Variants in LPIN1 observed in about 807,000 individuals in gnomAD.
The protein encoded by LPIN1 is lipin 1.
Under a neutral mutation model 107.5 loss-of-function variants are expected in LPIN1, and 71 were observed. The ratio of observed to expected loss-of-function variants is 0.66; its 90% CI spans 0.55 to 0.80. The LOEUF is 0.80. LPIN1 is among the 30% of genes least tolerant of loss of function. The pLI, the probability that LPIN1 is intolerant of heterozygous loss-of-function variation, is 0.00. For missense variants in LPIN1, 1,043 were observed against 1,160.6 expected, an observed-to-expected ratio of 0.90 and a Z score of 1.47; for synonymous variants, 445 against 452.6, an observed-to-expected ratio of 0.98 and a Z score of 0.21.
chr2:11,797,340 A>G (rs1478776622), intron 14 of LPIN1, among the ~76,000 whole-genome samples: 8 of 152,220 alleles, frequency 5.3e-5, no homozygotes, highest in African/African-American at 1.7e-4. Flanking sequence ...CTTCGAGGCA[A>G]CTTCATGAGA....
At position 11,765,266 on chromosome 2, in the gene LPIN1, T is replaced by C. The variant is rs533271287; in HGVS notation, c.-9-267T>C. ...CCTGATGGACCCTGATGGACCCTGA[T>C]GGGCCGTGATGGACCCTGATGGGCT... On this transcript the variant is annotated intron_variant, in intron 1 of 20. Transcript: ENST00000674199. This position sits in a 1 kb window ranked among gnomAD's most constrained non-coding sequence, Gnocchi z 4.4. 1.1e-4 allele frequency among the ~76,000 whole-genome samples: 17 copies of C among 151,324 alleles called. No individual in the cohort carries two copies. The highest frequency in any genetic ancestry group is 3.9e-4 in the African/African-American group (16 of 41,082).
intron 1 of LPIN1, among the ~76,000 whole-genome samples, chr2:11,695,075 ATATT>A (rs1247386372): frequency 2.0e-5 from 3 of 152,214 alleles, no homozygotes; most frequent in Non-Finnish European, 1.5e-5. Context: ...TCGCTGCAGA[ATATT>A]TATTGAGAGC....
At chr2:11,716,887 T>C (rs1202790223) in intron 2 of LPIN1, among the ~76,000 whole-genome samples, 3 of 152,232 alleles carry the variant, frequency 2.0e-5, no homozygotes, top group Admixed American at 6.5e-5. Flanking sequence ...CCATTCACGT[T>C]GTGCCTCCCT....
chr2:11,810,457 G>T (rs942371223), intron 17 of LPIN1, among the ~76,000 whole-genome samples: 4 of 152,134 alleles, frequency 2.6e-5, no homozygotes, highest in Non-Finnish European at 5.9e-5. Flanking sequence ...CAGACGGTGG[G>T]GTGGGTAAAA....
intron 14 of LPIN1, among the ~76,000 whole-genome samples, chr2:11,798,577 A>G (rs1410443623): frequency 6.6e-6 from 1 of 152,216 alleles, no homozygotes; most frequent in Non-Finnish European, 1.5e-5. Context: ...TTTTCCCATC[A>G]AATAGAAACA....
At chr2:11,682,888 C>A (rs1661798680) in intron 1 of LPIN1, 1 of 152,206 alleles carries the variant, frequency 6.6e-6, no homozygotes, top group Non-Finnish European at 1.5e-5. Context: ...CCCTCTTTTG[C>A]TGTCATAGGT....
At chr2:11,724,678 G>T in intron 1 of LPIN1, 2 of 976,808 alleles carry the variant, frequency 2.0e-6, no homozygotes, top group Non-Finnish European at 2.4e-6. Flanking sequence ...GAATCACGAT[G>T]CTTCCAGAGC....
At chr2:11,784,575 C>T in intron 9 of LPIN1, 1 of 517,054 alleles carries the variant, frequency 1.9e-6, no homozygotes, top group Non-Finnish European at 3.2e-6. Flanking sequence ...CCTCAGTCCC[C>T]CTGCGATCTA....
intron 1 of LPIN1, chr2:11,764,137 T>C (rs1286269354): frequency 1.4e-5 from 2 of 147,668 alleles, no homozygotes; most frequent in African/African-American, 5.0e-5. Context: ...AAAATATATG[T>C]AAGTGTTGCT....
chr2:11,687,318 T>G (rs148844126), intron 1 of LPIN1, among the ~76,000 whole-genome samples: 20 of 152,334 alleles, frequency 1.3e-4, no homozygotes, highest in Admixed American at 1.2e-3. Context: ...AGTTTTGTTT[T>G]TCATCATGCT....
At chr2:11,784,133 C>G in intron 9 of LPIN1, 1 of 836,174 alleles carries the variant, frequency 1.2e-6, no homozygotes, top group Non-Finnish European at 1.7e-6. Context: ...GGTGAATCCT[C>G]GTTCTACTGA....
chr2:11,718,073 T>C (rs1663871433), intron 2 of LPIN1, among the ~76,000 whole-genome samples: 2 of 152,294 alleles, frequency 1.3e-5, no homozygotes, highest in East Asian at 3.9e-4. Flanking sequence ...CTCTTCCTGC[T>C]TGCTCCTAAG....
chr2:11,756,126 A>G (rs1668649781), intron 1 of LPIN1, among the ~76,000 whole-genome samples: 1 of 152,176 alleles, frequency 6.6e-6, no homozygotes, highest in South Asian at 2.1e-4. Flanking sequence ...TTGCATTTGC[A>G]TTTGCTCGGC....
rs1175813365 is a variant in LPIN1 at position 11,771,316 on chromosome 2, T to G, written c.289-56T>G. 2.5e-5 allele frequency: 40 copies of G among 1,582,764 alleles called. No homozygotes were observed. Among genetic ancestry groups the G allele is most frequent in the Non-Finnish European group, 3.1e-5 (36 of 1,152,178 alleles). ...ATCCTGGAGGCCTCTGGCAAGGCCC[T>G]GCTTCTTATACCTGAATTAACGAGG... On this transcript the variant is annotated intron_variant, in intron 3 of 20. Coordinates refer to ENST00000674199, the MANE Select transcript of LPIN1 (RefSeq NM_001349206.2). The surrounding 1 kb of genome is among the most constrained non-coding windows in gnomAD (Gnocchi z 4.8).
chr2:11,709,497 C>T (rs989240769), intron 1 of LPIN1, among the ~76,000 whole-genome samples: 4 of 152,214 alleles, frequency 2.6e-5, no homozygotes, highest in African/African-American at 9.7e-5. Context: ...CCCACACATT[C>T]CTGGAATCCT....
At chr2:11,784,171 G>A in intron 9 of LPIN1, 2 of 726,560 alleles carry the variant, frequency 2.8e-6, no homozygotes, top group South Asian at 3.7e-5. Context: ...GCACGTGCTG[G>A]CATGCACCTG....
chr2:11,749,397 G>A (rs539306562), intron 1 of LPIN1, among the ~76,000 whole-genome samples: 1 of 152,204 alleles, frequency 6.6e-6, no homozygotes, highest in Non-Finnish European at 1.5e-5. Flanking sequence ...GGGCCCTGGG[G>A]CTGCTGGGGT....
chr2:11,677,643 G>A (rs1191213946), exon 1 of LPIN1: 23 of 1,534,508 alleles, frequency 1.5e-5, no homozygotes, highest in East Asian at 2.4e-5. Flanking sequence ...CATACAGGGC[G>A]GGCCATGGGG....
At chr2:11,821,647 T>G (rs1457985537) in intron 20 of LPIN1, among the ~76,000 whole-genome samples, 3 of 152,230 alleles carry the variant, frequency 2.0e-5, no homozygotes, top group Non-Finnish European at 2.9e-5. Context: ...ATGTAGCTTC[T>G]GTGGTTTTAG....
Sources: allele counts gnomAD v4.1 joint callset (sites outside exome capture counted in the v4.1 genomes callset), GRCh38; gene constraint gnomAD v4.1.1; non-coding constraint Gnocchi (gnomAD v3.1); transcripts MANE v1.5; gene names NCBI Gene and HGNC (gene_info 2026-07-23, HGNC 2026-07-21).